The following PDE11A variants were observed in gnomAD, a reference collection of about 807,000 sequenced individuals.
The protein encoded by PDE11A is dual 3',5'-cyclic-AMP and -GMP phosphodiesterase 11A.
PDE11A carries 100 observed loss-of-function variants against 100.5 expected under a neutral mutation model. The observed-to-expected ratio is 1.00, with a 90% CI of 0.85 to 1.18. The LOEUF is 1.18. Ranked by LOEUF, PDE11A falls within the 50% of genes most tolerant of loss-of-function variation. The probability of loss-of-function intolerance (pLI) is 0.00; values close to 1 mark genes in which losing one functional copy is unlikely to be tolerated. For missense variants in PDE11A, 1,141 were observed against 1,152.6 expected (o/e 0.99, Z 0.15); for synonymous variants, 381 against 420.8 (o/e 0.91, Z 1.16).
rs372281370 is a variant in PDE11A, at chr2:177,861,077, A to G, written c.1367+14782T>C. Among the ~76,000 whole-genome samples, 71 of 151,942 alleles carry G rather than the reference A, an allele frequency of 4.7e-4. 2 individuals are homozygous for G. The East Asian group carries it at 0.013, about 29-fold the overall frequency. ...CCACTTCTATTTAACAATGTACTGGAGGTTCTAGACATGCAATCAGGCAAG... is the reference window on the plus strand; with the variant it reads ...CCACTTCTATTTAACAATGTACTGGGGGTTCTAGACATGCAATCAGGCAAG... On this transcript the variant is annotated intron_variant, in intron 5 of 19. Coordinates refer to ENST00000286063, the MANE Select transcript of PDE11A (RefSeq NM_016953.4).
At chr2:177,742,417 C>T (rs1007056992) in intron 10 of PDE11A, among the ~76,000 whole-genome samples, 1 of 152,182 alleles carries the variant, frequency 6.6e-6, no homozygotes, top group African/African-American at 2.4e-5. Flanking sequence ...CAAGCACAGG[C>T]AATGTCTGTC....
chr2:177,854,507 T>C (rs1298676268), intron 5 of PDE11A, among the ~76,000 whole-genome samples: 5 of 152,016 alleles, frequency 3.3e-5, no homozygotes, highest in East Asian at 1.9e-4. Flanking sequence ...ACTTCACTAG[T>C]GCCAAGGAGT....
chr2:177,762,270 C>T (rs761858780), intron 10 of PDE11A, among the ~76,000 whole-genome samples: 9 of 152,098 alleles, frequency 5.9e-5, no homozygotes, highest in Admixed American at 1.3e-4. Context: ...GCACACTGAA[C>T]GAACAGTAGA....
chr2:177,844,745 C>G (rs554909504), intron 5 of PDE11A, among the ~76,000 whole-genome samples: 5 of 150,800 alleles, frequency 3.3e-5, no homozygotes, highest in Non-Finnish European at 4.5e-5. Context: ...TGACTCTTAA[C>G]GAGCATGCTG....
chr2:177,949,001 T>G (rs1304704366), intron 2 of PDE11A, among the ~76,000 whole-genome samples: 1 of 152,264 alleles, frequency 6.6e-6, no homozygotes, highest in Non-Finnish European at 1.5e-5. Context: ...TTCTGGGGTT[T>G]GTTTGTATTT....
chr2:177,671,500 T>A (rs920761514), intron 17 of PDE11A, among the ~76,000 whole-genome samples: 6 of 151,742 alleles, frequency 4.0e-5, no homozygotes, highest in Admixed American at 3.9e-4. Context: ...AAAATCAACA[T>A]CCAGGAAGTT....
At chr2:177,859,098 G>T (rs1321824434) in intron 5 of PDE11A, among the ~76,000 whole-genome samples, 1 of 152,094 alleles carries the variant, frequency 6.6e-6, no homozygotes, top group Non-Finnish European at 1.5e-5. Context: ...GCCTGTCGTG[G>T]GGTGGGGGGA....
chr2:177,652,043 G>A (rs1466787670), intron 19 of PDE11A, among the ~76,000 whole-genome samples: 2 of 152,172 alleles, frequency 1.3e-5, no homozygotes, highest in Non-Finnish European at 1.5e-5. Flanking sequence ...GTGATAACCC[G>A]ATCTTTCCCG....
intron 15 of PDE11A, among the ~76,000 whole-genome samples, chr2:177,694,129 G>T (rs147457361): frequency 6.6e-6 from 1 of 152,334 alleles, no homozygotes; most frequent in East Asian, 1.9e-4. Flanking sequence ...GCAAACATTA[G>T]CAGGGGCTGC....
intron 19 of PDE11A, among the ~76,000 whole-genome samples, chr2:177,642,374 T>C (rs547623177): frequency 6.6e-6 from 1 of 152,262 alleles, no homozygotes; most frequent in South Asian, 2.1e-4. Context: ...GGTGAAATAA[T>C]AAGAAAAGAC....
At chr2:177,881,968 T>C (rs772875971) in intron 4 of PDE11A, among the ~76,000 whole-genome samples, 5 of 152,248 alleles carry the variant, frequency 3.3e-5, no homozygotes, top group East Asian at 1.9e-4. Flanking sequence ...CCATGTAATA[T>C]AGCTATATTC....
intron 2 of PDE11A, among the ~76,000 whole-genome samples, chr2:178,081,861 C>T (rs1374833193): frequency 4.6e-5 from 7 of 152,154 alleles, no homozygotes; most frequent in African/African-American, 1.7e-4. Context: ...AAAAGGACAC[C>T]AAGGTTGAAG....
chr2:177,773,807 T>G (rs2082344148), intron 9 of PDE11A, among the ~76,000 whole-genome samples: 1 of 151,984 alleles, frequency 6.6e-6, no homozygotes, highest in Admixed American at 6.5e-5. Flanking sequence ...CTAATAGGAG[T>G]ACATTGTTCT....
rs78723710 is a variant in PDE11A at position 177,785,569 on chromosome 2, G to A, written c.1738-16196C>T. ...AGGTGCAGTGCACCATGCATGAGCC[G>A]AAGTAGGGCGAGGCATTGCCTCACT... On this transcript the variant is annotated intron_variant, in intron 9 of 19. Coordinates refer to ENST00000286063, the MANE Select transcript of PDE11A (RefSeq NM_016953.4). 3.3e-3 allele frequency among the ~76,000 whole-genome samples: 503 copies of A among 152,218 alleles called. 4 individuals carry two copies. The East Asian group carries it at 0.046, about 14-fold the overall frequency.
At position 177,789,878 on chromosome 2, in the gene PDE11A, T is replaced by G. The variant is rs935512136; in HGVS notation, c.1738-20505A>C. ...AGGAGAACTACAAACCACTGCTCAA[T>G]GAAATAAAAGAGGATACAAACAAAT... On this transcript the variant is annotated intron_variant, in intron 9 of 19. Transcript: ENST00000286063. Among the ~76,000 whole-genome samples, 24 of 151,960 alleles carry G rather than the reference T, an allele frequency of 1.6e-4. No individual in the cohort carries two copies. The East Asian group carries it at 3.1e-3, about 20-fold the overall frequency.
chr2:177,936,351 G>C (rs941342295), intron 2 of PDE11A, among the ~76,000 whole-genome samples: 5 of 152,094 alleles, frequency 3.3e-5, no homozygotes, highest in African/African-American at 4.8e-5. Context: ...CATTCTGCGA[G>C]TGACACCAGA....
chr2:177,708,788 TC>T lies in PDE11A; in HGVS notation c.2153+2980del, dbSNP rs763953923. 2.7e-3 allele frequency among the ~76,000 whole-genome samples: 414 copies of T among 152,208 alleles called. 1 individual carries two copies. Among genetic ancestry groups the T allele is most frequent in the Non-Finnish European group, 4.6e-3 (316 of 68,012 alleles). The stretch of plus-strand genomic sequence containing the variant: ...ACCAAACATTTATTGTTTATTATGC[TC>T]CCCCAAGTACTGTCCATGCACTGTT... On this transcript the variant is annotated intron_variant, in intron 13 of 19. Transcript: ENST00000286063.
In PDE11A at chr2:177,701,201, C is replaced by A. The variant is rs2105541178; in HGVS notation, c.2164G>T (p.Ala722Ser). ...GAGGTTCCATAGAGTTGGGCCAGGG[C>A]AGAGCCACTCCTGAAAGAGGACAGA... is the stretch of plus-strand genomic sequence containing the variant. ...NNAFQAKSGS[A>S]LAQLYGTSAT... Residue 722 changes from alanine to serine, a missense_variant, in exon 14 of 20, where the codon GCC (alanine) becomes TCC (serine). Coordinates refer to ENST00000286063, the MANE Select transcript of PDE11A (RefSeq NM_016953.4). 1 of 1,566,964 alleles carries A rather than the reference C, an allele frequency of 6.4e-7. No homozygotes were observed. Among genetic ancestry groups the A allele is most frequent in the East Asian group, 2.2e-5 (1 of 44,638 alleles).
At chr2:177,960,847 C>G (rs1485532481) in intron 2 of PDE11A, among the ~76,000 whole-genome samples, 1 of 152,156 alleles carries the variant, frequency 6.6e-6, no homozygotes, top group African/African-American at 2.4e-5. Context: ...GACATGACCC[C>G]TTTATATGGA....
Sources: allele counts gnomAD v4.1 joint callset (sites outside exome capture counted in the v4.1 genomes callset), GRCh38; gene constraint gnomAD v4.1.1; transcripts MANE v1.5; gene names NCBI Gene and HGNC (gene_info 2026-07-23, HGNC 2026-07-21).